Variants in TGFBR2 observed in about 807,000 individuals in gnomAD.
TGFBR2 encodes transforming growth factor beta receptor 2.
A neutral mutation model predicts 49.0 loss-of-function variants in TGFBR2; 18 were observed. That is an observed-to-expected ratio of 0.37 (90% CI 0.25 to 0.54). The LOEUF (loss-of-function observed/expected upper bound fraction) is 0.54. Among genes scored for constraint, TGFBR2 ranks in the 20% least tolerant of loss-of-function variants. The pLI is 0.85. For synonymous variants in TGFBR2, 282 were observed against 275.9 expected (o/e 1.02, Z -0.22); for missense variants, 525 against 722.6 (o/e 0.73, Z 3.13).
At chr3:30,607,288 T>C (rs1307463731) in intron 1 of TGFBR2, among the ~76,000 whole-genome samples, 1 of 152,160 alleles carries the variant, frequency 6.6e-6, no homozygotes, top group Non-Finnish European at 1.5e-5. Context: ...GTTTGAGAAG[T>C]TGGTTATCTG....
Position 30,662,155 on chromosome 3 carries a change from A to G in TGFBR2, c.455-9483A>G, listed in dbSNP as rs751501578. Among the ~76,000 whole-genome samples, 7 of 152,250 alleles carry G rather than the reference A, an allele frequency of 4.6e-5. 1 individual carries two copies. The highest frequency in any genetic ancestry group is 7.2e-5 in the African/African-American group (3 of 41,466). ...AATAATAGAAGCACACAGAGGCTACATTTGACTTAATGTAAAGAATAATTT... is the reference window on the plus strand; with the variant it reads ...AATAATAGAAGCACACAGAGGCTACGTTTGACTTAATGTAAAGAATAATTT... On this transcript the variant is annotated intron_variant, in intron 3 of 6. Coordinates refer to ENST00000295754, the MANE Select transcript of TGFBR2 (RefSeq NM_003242.6).
rs765633035 is a variant in TGFBR2, at chr3:30,691,488, C to A, written c.1593C>A (p.Ala531=). The change falls in exon 7 of 7, where the codon GCC becomes GCA. Residue 531 remains alanine (A), a synonymous_variant. Coordinates refer to ENST00000295754, the MANE Select transcript of TGFBR2 (RefSeq NM_003242.6). The part of the protein sequence containing the change: ...WDHDPEARLT[A]QCVAERFSEL... The stretch of plus-strand genomic sequence containing the variant: ...ACGACCCAGAGGCCCGTCTCACAGC[C>A]CAGTGTGTGGCAGAACGCTTCAGTG... The A allele has an allele frequency of 6.2e-7, 1 of 1,614,080 alleles. No homozygotes were observed. The highest frequency in any genetic ancestry group is 8.5e-7 in the Non-Finnish European group (1 of 1,179,992).
intron 3 of TGFBR2, among the ~76,000 whole-genome samples, chr3:30,656,892 A>G (rs1411777614): frequency 6.6e-6 from 1 of 152,250 alleles, no homozygotes; most frequent in African/African-American, 2.4e-5. Context: ...GGGAACTCAT[A>G]GAACAACTAT....
intron 3 of TGFBR2, among the ~76,000 whole-genome samples, chr3:30,669,152 A>T (rs967260054): frequency 5.0e-5 from 7 of 139,752 alleles, no homozygotes; most frequent in South Asian, 2.3e-4. Flanking sequence ...AAAAAAAAAA[A>T]GCTGGGCATA....
At chr3:30,636,733 C>CGTGTGT (rs3076736) in intron 1 of TGFBR2, among the ~76,000 whole-genome samples, 16 of 146,694 alleles carry the variant, frequency 1.1e-4, no homozygotes, top group East Asian at 4.1e-4. Flanking sequence ...TGTGTGTGCA[C>CGTGTGT]GTGTGTGTGT....
chr3:30,649,328 C>G (rs1698836451), intron 2 of TGFBR2, among the ~76,000 whole-genome samples: 1 of 152,098 alleles, frequency 6.6e-6, no homozygotes, highest in Non-Finnish European at 1.5e-5. Flanking sequence ...AGGTGATACC[C>G]TTTTCCAAGA....
intron 3 of TGFBR2, among the ~76,000 whole-genome samples, chr3:30,668,863 T>C (rs556054152): frequency 6.6e-4 from 101 of 152,248 alleles, no homozygotes; most frequent in Middle Eastern, 3.4e-3. Context: ...CTAGAATATA[T>C]AGTCAGTGGA....
At chr3:30,609,988 A>T (rs548608720) in intron 1 of TGFBR2, among the ~76,000 whole-genome samples, 1 of 152,352 alleles carries the variant, frequency 6.6e-6, no homozygotes, top group East Asian at 1.9e-4. Context: ...TAACTACTAC[A>T]TGTTTTCTAC....
At chr3:30,607,223 G>A (rs1210834927) in intron 1 of TGFBR2, among the ~76,000 whole-genome samples, 8 of 152,354 alleles carry the variant, frequency 5.3e-5, no homozygotes, top group South Asian at 2.1e-4. Context: ...TGTGCGAGCA[G>A]GAAAGGCGTT....
chr3:30,607,438 A>G (rs1371301465), intron 1 of TGFBR2, among the ~76,000 whole-genome samples: 1 of 152,256 alleles, frequency 6.6e-6, no homozygotes, highest in Non-Finnish European at 1.5e-5. Context: ...CCAGCTCCTC[A>G]GTCCTTAGCT....
chr3:30,683,716 C>T (rs1427605437), intron 5 of TGFBR2, among the ~76,000 whole-genome samples: 2 of 152,140 alleles, frequency 1.3e-5, no homozygotes, highest in Non-Finnish European at 2.9e-5. Flanking sequence ...ACAGTTTGGA[C>T]CCAAAGATTT....
At chr3:30,654,912 CTG>C (rs1358339392) in intron 3 of TGFBR2, among the ~76,000 whole-genome samples, 3 of 152,178 alleles carry the variant, frequency 2.0e-5, no homozygotes, top group Non-Finnish European at 4.4e-5. Flanking sequence ...TTGTGGAACA[CTG>C]AGCGAAGAGG....
At chr3:30,623,691 T>G (rs1273690691) in intron 1 of TGFBR2, among the ~76,000 whole-genome samples, 1 of 152,266 alleles carries the variant, frequency 6.6e-6, no homozygotes, top group African/African-American at 2.4e-5. Flanking sequence ...CCTGTAGTTT[T>G]GCCCCTCACT....
chr3:30,644,800 C>G lies in TGFBR2; in HGVS notation c.148C>G (p.Leu50Val), dbSNP rs1698701049. Residue 50 changes from leucine to valine, a missense_variant, in exon 2 of 7, where the codon CTG becomes GTG. Leu to Val is a conservative substitution (Grantham distance 32). Around this residue, in one of 3 missense-constraint regions of TGFBR2, gnomAD observed 376 missense variants for 478.2 expected, o/e 0.79. Coordinates refer to ENST00000295754, the MANE Select transcript of TGFBR2 (RefSeq NM_003242.6). Reference sequence around the variant, plus strand: ...CAACGGTGCAGTCAAGTTTCCACAACTGTGTAAATTTTGTGATGTGAGATT... The same window carrying G: ...CAACGGTGCAGTCAAGTTTCCACAAGTGTGTAAATTTTGTGATGTGAGATT... ...DNNGAVKFPQ[L>V]CKFCDVRFST... 1.1e-5 allele frequency: 17 copies of G among 1,614,136 alleles called. No individual in the cohort carries two copies. Among genetic ancestry groups the G allele is most frequent in the Non-Finnish European group, 1.4e-5 (17 of 1,179,978 alleles).
intron 1 of TGFBR2, among the ~76,000 whole-genome samples, chr3:30,628,528 G>GTTT (rs569832149): frequency 0.14 from 11,513 of 80,098 alleles, 1,142 homozygotes; most frequent in East Asian, 0.27. Flanking sequence ...AAGCCTGTGG[G>GTTT]TTTTTTTTTT....
intron 3 of TGFBR2, among the ~76,000 whole-genome samples, chr3:30,664,655 T>TGCGCACACACATGCACACGCGCGTGC (rs1183153775): frequency 1.3e-5 from 2 of 152,232 alleles, no homozygotes; most frequent in African/African-American, 4.8e-5. Context: ...AGTATGCATG[T>TGCGCACACACATGCACACGCGCGTGC]GCGCACACAC....
At chr3:30,608,002 G>T (rs1027533982) in intron 1 of TGFBR2, among the ~76,000 whole-genome samples, 1 of 150,860 alleles carries the variant, frequency 6.6e-6, no homozygotes, top group African/African-American at 2.4e-5. Context: ...GTGCAGTGGC[G>T]CAATCTCGGC....
rs4016180 is a variant in TGFBR2, at chr3:30,691,909, TTATATA to T, written c.*324_*329del. The T allele has an allele frequency of 8.1e-6, 2 of 247,402 alleles. No individual in the cohort carries two copies. The highest frequency in any genetic ancestry group is 5.7e-5 in the East Asian group (1 of 17,452). 15.3% of individuals were successfully genotyped at this position (247,402 alleles called of 1,614,324 possible). A position where few individuals can be genotyped will look rare whatever the true frequency, so the allele number is the denominator to read the frequency against. ...GTATATAAATATGAATAGCTATGTT[TTATATA>T]TATATATATATATCTATATATGTCT... On this transcript the variant is annotated 3_prime_UTR_variant, in exon 7 of 7. Coordinates refer to ENST00000295754, the MANE Select transcript of TGFBR2 (RefSeq NM_003242.6).
At chr3:30,632,183 T>C (rs958864992) in intron 1 of TGFBR2, among the ~76,000 whole-genome samples, 1 of 152,224 alleles carries the variant, frequency 6.6e-6, no homozygotes, top group Non-Finnish European at 1.5e-5. Flanking sequence ...TATTTTAGAA[T>C]TCCACAATCT....
Sources: allele counts gnomAD v4.1 joint callset (sites outside exome capture counted in the v4.1 genomes callset), GRCh38; gene constraint gnomAD v4.1.1; regional missense constraint gnomAD v4.1.1; transcripts MANE v1.5; gene names NCBI Gene and HGNC (gene_info 2026-07-23, HGNC 2026-07-21).